The following LHFPL4 variants were observed in gnomAD, a reference collection of about 807,000 sequenced individuals.
LHFPL4 encodes the protein LHFPL tetraspan subfamily member 4.
A neutral mutation model predicts 20.0 loss-of-function variants in LHFPL4; 6 were observed. That is an observed-to-expected ratio of 0.30 (90% CI 0.16 to 0.59). The LOEUF (loss-of-function observed/expected upper bound fraction) is 0.59. Among genes scored for constraint, LHFPL4 ranks in the 20% least tolerant of loss-of-function variants. LHFPL4 has a pLI of 0.88. For missense variants in LHFPL4, 215 were observed against 331.2 expected (o/e 0.65, Z 2.72); for synonymous variants, 129 against 143.8 (o/e 0.90, Z 0.74).
At chr3:9,524,522 T>C (rs1005338053) in intron 2 of LHFPL4, among the ~76,000 whole-genome samples, 2 of 152,154 alleles carry the variant, frequency 1.3e-5, no homozygotes, top group African/African-American at 2.4e-5. Flanking sequence ...TCCTCAGCCA[T>C]GGCCAGTCTA....
intron 2 of LHFPL4, among the ~76,000 whole-genome samples, chr3:9,531,252 G>A (rs1017124890): frequency 3.9e-5 from 6 of 152,224 alleles, no homozygotes; most frequent in Admixed American, 1.3e-4. Context: ...ACAGAGCCAC[G>A]AAGTGGGCAC....
At chr3:9,511,551 T>G (rs2046261439) in intron 2 of LHFPL4, among the ~76,000 whole-genome samples, 1 of 152,176 alleles carries the variant, frequency 6.6e-6, no homozygotes, top group Non-Finnish European at 1.5e-5. Context: ...TGCATTTACT[T>G]GAAAAGTAAA....
At position 9,543,729 on chromosome 3, in the gene LHFPL4, G is replaced by GTTTTTTTTTTTT. The variant is rs58872967; in HGVS notation, c.406+8533_406+8544dup. 2.1e-4 allele frequency among the ~76,000 whole-genome samples: 25 copies of GTTTTTTTTTTTT among 119,656 alleles called. No individual in the cohort carries two copies. The South Asian group carries it at 3.3e-3, about 16-fold the overall frequency. 78.5% of individuals were successfully genotyped at this position (119,656 alleles called of 152,430 possible). A position where few individuals can be genotyped will look rare whatever the true frequency, so the allele number is the denominator to read the frequency against. On this transcript the variant is annotated intron_variant, in intron 2 of 3. Coordinates refer to ENST00000287585, the MANE Select transcript of LHFPL4 (RefSeq NM_198560.3). The stretch of plus-strand genomic sequence containing the variant: ...GGTGATTTGTTTGTTTTTGGTTTTG[G>GTTTTTTTTTTTT]TTTTTTTTTTTTTTTTTTTGAGTCA...
chr3:9,508,892 G>A (rs1192081939), intron 2 of LHFPL4, among the ~76,000 whole-genome samples: 2 of 152,304 alleles, frequency 1.3e-5, no homozygotes, highest in Middle Eastern at 3.4e-3. Context: ...TCCAGCAAGA[G>A]GCAGGAGTGG....
rs2046223279 is a variant in LHFPL4 at position 9,506,919 on chromosome 3, A to G, written c.407-716T>C. On this transcript the variant is annotated intron_variant, in intron 2 of 3. Transcript: ENST00000287585. The surrounding 1 kb of genome is among the most constrained non-coding windows in gnomAD (Gnocchi z 4.5). ...TTAAATTCTTGTCCTTCACCCATCA[A>G]ATGTTTATTGGGCACCATTTTCCTT... Among the ~76,000 whole-genome samples the G allele has an allele frequency of 6.6e-6, 1 of 152,044 alleles. No homozygotes were observed. Among genetic ancestry groups the G allele is most frequent in the Non-Finnish European group, 1.5e-5 (1 of 68,016 alleles).
intron 2 of LHFPL4, among the ~76,000 whole-genome samples, chr3:9,540,651 TG>T (rs2046471302): frequency 6.6e-6 from 1 of 151,914 alleles, no homozygotes; most frequent in Non-Finnish European, 1.5e-5. Context: ...CCCAGCAATT[TG>T]AGAGGCTAAG....
chr3:9,544,990 C>T (rs2046502488), intron 2 of LHFPL4, among the ~76,000 whole-genome samples: 2 of 152,260 alleles, frequency 1.3e-5, no homozygotes, highest in Middle Eastern at 3.4e-3. Context: ...CCTCTCCCAT[C>T]AGACTATGAG....
At chr3:9,543,729 G>GTTTTTTTT (rs58872967) in intron 2 of LHFPL4, among the ~76,000 whole-genome samples, 5 of 119,654 alleles carry the variant, frequency 4.2e-5, no homozygotes, top group Admixed American at 9.6e-5. Flanking sequence ...TTTGGTTTTG[G>GTTTTTTTT]TTTTTTTTTT....
intron 2 of LHFPL4, among the ~76,000 whole-genome samples, chr3:9,523,633 C>A (rs1473542246): frequency 6.6e-6 from 1 of 151,814 alleles, no homozygotes; most frequent in Non-Finnish European, 1.5e-5. Flanking sequence ...CCACCATGCC[C>A]AGCTAATTTT....
At chr3:9,517,738 T>C (rs865795668) in intron 2 of LHFPL4, among the ~76,000 whole-genome samples, 3 of 147,474 alleles carry the variant, frequency 2.0e-5, no homozygotes, top group African/African-American at 5.0e-5. Context: ...CATAGGAAAA[T>C]GATTAACTTT....
intron 2 of LHFPL4, among the ~76,000 whole-genome samples, chr3:9,523,090 A>AAGAAAGAAAG (rs1487753781): frequency 2.9e-4 from 41 of 143,088 alleles, no homozygotes; most frequent in African/African-American, 9.9e-4. Context: ...GAAAGAAAGA[A>AAGAAAGAAAG]AGAGAGAGAG....
intron 2 of LHFPL4, among the ~76,000 whole-genome samples, chr3:9,536,412 G>A (rs2046445070): frequency 6.6e-6 from 1 of 152,098 alleles, no homozygotes; most frequent in Admixed American, 6.5e-5. Flanking sequence ...AGGCCAGCCT[G>A]GGAGGTATCC....
rs2046170871 is a variant in LHFPL4, at chr3:9,501,295, C to G, written c.*916G>C. 6.5e-6 allele frequency: 1 copy of G among 152,762 alleles called. No homozygotes were observed. Among genetic ancestry groups the G allele is most frequent in the Non-Finnish European group, 1.5e-5 (1 of 68,332 alleles). The allele number at this position is 152,762 out of a possible 1,614,324, so 9.5% of individuals were successfully genotyped here. Reference sequence around the variant, plus strand: ...CTCCCCACCTCTGGGGTCCCCTCCACACCCCCAACCCTGACAACAGGGCCA... The same window carrying G: ...CTCCCCACCTCTGGGGTCCCCTCCAGACCCCCAACCCTGACAACAGGGCCA... On this transcript the variant is annotated 3_prime_UTR_variant, in exon 4 of 4. Coordinates refer to ENST00000287585, the MANE Select transcript of LHFPL4 (RefSeq NM_198560.3).
chr3:9,539,673 G>C (rs921626728), intron 2 of LHFPL4, among the ~76,000 whole-genome samples: 5 of 152,130 alleles, frequency 3.3e-5, no homozygotes, highest in African/African-American at 1.2e-4. Context: ...CATAGACAAA[G>C]TCAAAAGATA....
At chr3:9,523,450 C>CTTTA (rs199544534) in intron 2 of LHFPL4, among the ~76,000 whole-genome samples, 3,629 of 147,942 alleles carry the variant, frequency 0.025, 111 homozygotes, top group African/African-American at 0.072. Context: ...GAGACAGAGT[C>CTTTA]TTTATTTATT....
chr3:9,528,611 A>G (rs1018846158), intron 2 of LHFPL4, among the ~76,000 whole-genome samples: 4 of 152,042 alleles, frequency 2.6e-5, no homozygotes, highest in African/African-American at 9.7e-5. Flanking sequence ...CCAATGTTCC[A>G]TTTATTATTA....
At chr3:9,551,630 A>G (rs577315641) in intron 2 of LHFPL4, among the ~76,000 whole-genome samples, 112 of 152,140 alleles carry the variant, frequency 7.4e-4, no homozygotes, top group Non-Finnish European at 1.5e-3. Context: ...CAGGGGTGGG[A>G]GTGGGGATGG....
intron 2 of LHFPL4, among the ~76,000 whole-genome samples, chr3:9,517,984 C>T (rs1230927625): frequency 6.6e-6 from 1 of 151,948 alleles, no homozygotes; most frequent in Non-Finnish European, 1.5e-5. Flanking sequence ...AGGGGACACC[C>T]TTGCCTTGTT....
At chr3:9,502,703 CAAA>C (rs34313508) in intron 3 of LHFPL4, among the ~76,000 whole-genome samples, 1 of 125,894 alleles carries the variant, frequency 7.9e-6, no homozygotes, top group Admixed American at 8.2e-5. Context: ...AACTCCATCT[CAAA>C]AAAAAAAAAA....
Sources: gnomAD v4.1 joint callset for allele counts (sites outside exome capture counted in the v4.1 genomes callset) on GRCh38, gnomAD v4.1.1 for gene constraint, Gnocchi (gnomAD v3.1) non-coding constraint, MANE v1.5 for transcripts, NCBI Gene and HGNC (gene_info 2026-07-23, HGNC 2026-07-21) for gene names.